Variants in WHRN observed in about 807,000 individuals in gnomAD.
WHRN encodes the protein whirlin.
WHRN carries 41 observed loss-of-function variants against 68.3 expected under a neutral mutation model. That is an observed-to-expected ratio of 0.60 (90% CI 0.47 to 0.78). WHRN has a LOEUF of 0.78. Ranked by LOEUF, WHRN falls within the 30% of genes least tolerant of loss-of-function variation. The probability of loss-of-function intolerance (pLI) is 0.00; values close to 1 mark genes in which losing one functional copy is unlikely to be tolerated. For synonymous variants in WHRN, 560 were observed against 561.3 expected, an observed-to-expected ratio of 1.00 and a Z score of 0.03; for missense variants, 1,243 against 1,244.7, an observed-to-expected ratio of 1.00 and a Z score of 0.02.
In WHRN at chr9:114,504,661, G is replaced by A. The variant is rs968697966; in HGVS notation, c.141C>T (p.Thr47=). The change falls in exon 1 of 12, where the codon ACC becomes ACT. Residue 47 remains threonine (T), a synonymous_variant. Coordinates refer to ENST00000362057, the MANE Select transcript of WHRN (RefSeq NM_015404.4). ...ANVRQLHQAL[T]ALLSEAEREQ... is the part of the protein sequence containing the mutation. Reference sequence around the variant, plus strand: ...CCCGCTCCGCCTCGCTCAGCAGCGCGGTCAGCGCTTGGTGCAGCTGGCGCA... The same window carrying A: ...CCCGCTCCGCCTCGCTCAGCAGCGCAGTCAGCGCTTGGTGCAGCTGGCGCA... The A allele has an allele frequency of 1.9e-6, 3 of 1,604,686 alleles. No homozygotes were observed. The highest frequency in any genetic ancestry group is 2.7e-5 in the African/African-American group (2 of 74,770).
At chr9:114,491,823 AG>A in intron 1 of WHRN, 1 of 261,676 alleles carries the variant, frequency 3.8e-6, no homozygotes. Context: ...CTCCTCCTGC[AG>A]GGCCCACAAG....
rs189654215 is a variant in WHRN at position 114,407,949 on chromosome 9, C to T, written c.1696G>A (p.Val566Met). 11 of 1,599,808 alleles carry T rather than the reference C, an allele frequency of 6.9e-6. No individual in the cohort carries two copies. Among genetic ancestry groups the T allele is most frequent in the East Asian group, 4.5e-5 (2 of 44,396 alleles). The change falls in exon 8 of 12, where the codon GTG becomes ATG. Residue 566 changes from valine to methionine, a missense_variant and splice_region_variant. By Grantham distance (21) the Val-to-Met change is conservative. Coordinates refer to ENST00000362057, the MANE Select transcript of WHRN (RefSeq NM_015404.4). ...CAAAGGGCCAGCCAGGGCCTTACCA[C>T]GGACACATCTGGGAGGGCGTTGATA... ...GNINALPDVS[V>M]DDVRSTSQGL... is the part of the protein sequence containing the mutation.
In WHRN at chr9:114,403,935, C is replaced by T. The variant is rs567684055; in HGVS notation, c.2379G>A (p.Leu793=). 4.3e-5 allele frequency: 70 copies of T among 1,611,246 alleles called. No individual in the cohort carries two copies. The South Asian group carries it at 7.0e-4, about 16-fold the overall frequency. The change falls in exon 10 of 12, where the codon CTG becomes CTA. Residue 793 remains leucine (L), a synonymous_variant. Coordinates refer to ENST00000362057, the MANE Select transcript of WHRN (RefSeq NM_015404.4). The stretch of plus-strand genomic sequence containing the variant: ...CATCTGTGGGCCTCTCGTTCCGAGG[C>T]AGCTCCTTGCTACTCCTGCTCTTGG... ...VSTKSRSSKE[L]PRNERPTDGA...
chr9:114,438,454 C>CTTTT (rs869187937), intron 3 of WHRN, among the ~76,000 whole-genome samples: 1 of 134,196 alleles, frequency 7.5e-6, no homozygotes, highest in Non-Finnish European at 1.6e-5. Context: ...TCTTTTTTTT[C>CTTTT]TTTTTTTTTT....
chr9:114,482,299 A>G (rs1281684305), intron 1 of WHRN, among the ~76,000 whole-genome samples: 2 of 152,230 alleles, frequency 1.3e-5, no homozygotes, highest in African/African-American at 2.4e-5. Flanking sequence ...TAACATCCAC[A>G]GGCATTCTCC....
chr9:114,461,830 T>C (rs1048456532), intron 3 of WHRN, among the ~76,000 whole-genome samples: 1 of 152,226 alleles, frequency 6.6e-6, no homozygotes, highest in Non-Finnish European at 1.5e-5. Context: ...CTTGGTATTA[T>C]TACAATTGTA....
At chr9:114,424,006 G>A (rs1836561536) in intron 6 of WHRN, among the ~76,000 whole-genome samples, 1 of 152,218 alleles carries the variant, frequency 6.6e-6, no homozygotes, top group Non-Finnish European at 1.5e-5. Flanking sequence ...GAAGATGACT[G>A]ACAGCTGGCT....
At chr9:114,434,203 C>T (rs570501635) in intron 3 of WHRN, among the ~76,000 whole-genome samples, 4 of 152,250 alleles carry the variant, frequency 2.6e-5, no homozygotes, top group South Asian at 2.1e-4. Flanking sequence ...TAATAGGCAC[C>T]GCCTGAGACA....
chr9:114,422,725 C>G (rs562945566), intron 7 of WHRN, among the ~76,000 whole-genome samples: 13 of 151,994 alleles, frequency 8.6e-5, no homozygotes, highest in Admixed American at 1.3e-4. Flanking sequence ...ATCCCAGCTA[C>G]TCAAGAGGCT....
intron 3 of WHRN, 129 bp from the exon 4 acceptor site, chr9:114,426,542 T>C (rs1187117198): frequency 1.8e-5 from 19 of 1,084,870 alleles, no homozygotes; most frequent in Non-Finnish European, 2.5e-5. Flanking sequence ...TCAGAGAGGA[T>C]GTGAGGATGC....
chr9:114,486,916 TGTGTGTGTAGA>T (rs1338653499), intron 1 of WHRN, among the ~76,000 whole-genome samples: 2 of 108,298 alleles, frequency 1.8e-5, no homozygotes, highest in African/African-American at 3.2e-5. Context: ...AGAGTGTGTG[TGTGTGTGTAGA>T]GTGTGTGTGT....
chr9:114,426,101 A>G (rs1226840106), intron 4 of WHRN, 110 bp downstream of exon 4: 6 of 1,400,590 alleles, frequency 4.3e-6, no homozygotes, highest in Non-Finnish European at 4.0e-6. Context: ...TGGTGTGGGG[A>G]CTGCAGGCTG....
At chr9:114,445,569 G>A (rs1416883863) in intron 3 of WHRN, among the ~76,000 whole-genome samples, 2 of 152,124 alleles carry the variant, frequency 1.3e-5, no homozygotes, top group Non-Finnish European at 2.9e-5. Context: ...AAAAAATTGT[G>A]GGGAGACAAG....
rs1473174520 is a variant in WHRN, at chr9:114,404,041, T to A, written c.2273A>T (p.Gln758Leu). 1 of 1,613,448 alleles carries A rather than the reference T, an allele frequency of 6.2e-7. No individual in the cohort carries two copies. ...CACACCACTGTCCTCGCTTAGAGTCTGCCCGCTGTCCGAGAGCTGGGAGAG... is the reference window on the plus strand; with the variant it reads ...CACACCACTGTCCTCGCTTAGAGTCAGCCCGCTGTCCGAGAGCTGGGAGAG... ...STLSQLSDSG[Q>L]TLSEDSGVDA... Residue 758 changes from glutamine (Q) to leucine (L), a missense_variant, in exon 10 of 12, where the codon CAG becomes CTG. By Grantham distance (113) the Gln-to-Leu change is moderately radical. Transcript: ENST00000362057.
chr9:114,416,120 C>A (rs1835799716), intron 7 of WHRN, among the ~76,000 whole-genome samples: 1 of 152,160 alleles, frequency 6.6e-6, no homozygotes, highest in Non-Finnish European at 1.5e-5. Flanking sequence ...ACAGTAAGGC[C>A]TTCAGGGGCA....
chr9:114,405,606 T>C (rs1162744213), intron 9 of WHRN, among the ~76,000 whole-genome samples: 1 of 152,212 alleles, frequency 6.6e-6, no homozygotes, highest in African/African-American at 2.4e-5. Context: ...GTGACAGCCC[T>C]GGGTCTTCTC....
intron 3 of WHRN, among the ~76,000 whole-genome samples, chr9:114,442,280 T>A (rs1838436908): frequency 6.6e-6 from 1 of 152,206 alleles, no homozygotes; most frequent in African/African-American, 2.4e-5. Context: ...ATGCTGGGGC[T>A]ATGCAGATTG....
intron 8 of WHRN, among the ~76,000 whole-genome samples, chr9:114,407,185 T>C (rs1020449699): frequency 6.6e-6 from 1 of 152,174 alleles, no homozygotes; most frequent in African/African-American, 2.4e-5. Context: ...AAGACTTCAT[T>C]AGAGACACGA....
chr9:114,406,668 A>C lies in WHRN; in HGVS notation c.1923T>G (p.Ser641=). 6.2e-7 allele frequency: 1 copy of C among 1,613,914 alleles called. No homozygotes were observed. The highest frequency in any genetic ancestry group is 8.5e-7 in the Non-Finnish European group (1 of 1,180,024). The change falls in exon 9 of 12, where the codon TCT becomes TCG. Residue 641 remains serine (S), a synonymous_variant. Transcript: ENST00000362057. ...TGGGGGAAGAGGGCAAGTCCTGTGC[A>C]GAGGAGGTCCCTGGGGTGGGTGCGG... The part of the protein sequence containing the change: ...AGTAPTPGTS[S]AQDLPSSPIY...
Sources: allele counts gnomAD v4.1 joint callset (sites outside exome capture counted in the v4.1 genomes callset), GRCh38; gene constraint gnomAD v4.1.1; transcripts MANE v1.5; gene names NCBI Gene and HGNC (gene_info 2026-07-23, HGNC 2026-07-21).